MND1: variants seen among roughly 807,000 people sequenced by gnomAD.
MND1 encodes meiotic nuclear division protein 1 homolog.
Under a neutral mutation model 35.1 loss-of-function variants are expected in MND1, and 28 were observed. The ratio of observed to expected loss-of-function variants is 0.80; its 90% CI spans 0.59 to 1.09. The LOEUF is 1.09. Among genes scored for constraint, MND1 ranks in the 50% least tolerant of loss-of-function variants. MND1 has a pLI of 0.00. For synonymous variants in MND1, 69 were observed against 70.5 expected (o/e 0.98, Z 0.11); for missense variants, 213 against 239.6 (o/e 0.89, Z 0.73).
rs1419994460 is a variant in MND1, at chr4:153,346,455, T to C, written c.3+1715T>C. ...CTAATTTGAATGCATCTCTAACTTA[T>C]ACTATCAGGTTTTTCCTAGTCTTAA... On this transcript the variant is annotated intron_variant, in intron 1 of 7. Coordinates refer to ENST00000240488, the MANE Select transcript of MND1 (RefSeq NM_032117.4). Among the ~76,000 whole-genome samples the C allele has an allele frequency of 3.3e-5, 5 of 152,240 alleles. 1 individual carries two copies. Among genetic ancestry groups the C allele is most frequent in the Non-Finnish European group, 7.3e-5 (5 of 68,038 alleles).
At chr4:153,399,574 T>C (rs1286666336) in intron 6 of MND1, among the ~76,000 whole-genome samples, 1 of 152,180 alleles carries the variant, frequency 6.6e-6, no homozygotes, top group Admixed American at 6.5e-5. Context: ...TGCCATTCCT[T>C]GTAGGTCTGA....
intron 4 of MND1, among the ~76,000 whole-genome samples, chr4:153,378,807 C>A (rs1472375712): frequency 6.6e-6 from 1 of 152,128 alleles, no homozygotes; most frequent in African/African-American, 2.4e-5. Context: ...TGTATGGAGT[C>A]TCTGAAAGAG....
intron 4 of MND1, among the ~76,000 whole-genome samples, chr4:153,388,390 G>C (rs1389968889): frequency 1.3e-5 from 2 of 152,162 alleles, no homozygotes; most frequent in Non-Finnish European, 2.9e-5. Context: ...AGGAGGCTCA[G>C]GTAGGAGGAT....
intron 1 of MND1, among the ~76,000 whole-genome samples, chr4:153,347,278 G>A (rs1443729286): frequency 6.6e-6 from 1 of 152,218 alleles, no homozygotes; most frequent in African/African-American, 2.4e-5. Context: ...CTAGCTCTCA[G>A]CCCTAGGTTT....
At chr4:153,407,746 TTAAG>T (rs1435809872) in intron 6 of MND1, among the ~76,000 whole-genome samples, 3 of 152,124 alleles carry the variant, frequency 2.0e-5, no homozygotes, top group African/African-American at 7.2e-5. Flanking sequence ...AAACATTGTG[TTAAG>T]TGAGAGAGGC....
intron 7 of MND1, 42 bp from the exon 8 acceptor site, chr4:153,414,709 G>T: frequency 1.2e-6 from 1 of 851,324 alleles, no homozygotes; most frequent in Non-Finnish European, 1.8e-6. Flanking sequence ...AATGTTTTAT[G>T]ATTGTGTTTT....
chr4:153,354,672 T>C (rs897561243), intron 2 of MND1, among the ~76,000 whole-genome samples: 1 of 152,032 alleles, frequency 6.6e-6, no homozygotes, highest in Non-Finnish European at 1.5e-5. Context: ...CCAGCTAATT[T>C]TTTTGATTTT....
chr4:153,389,304 ATGT>A (rs1365500297), intron 4 of MND1, among the ~76,000 whole-genome samples: 3 of 152,162 alleles, frequency 2.0e-5, no homozygotes, highest in Non-Finnish European at 4.4e-5. Flanking sequence ...GCATTATAGA[ATGT>A]TGAAGACTTT....
intron 7 of MND1, among the ~76,000 whole-genome samples, chr4:153,413,672 A>G (rs1034909475): frequency 3.3e-5 from 5 of 150,286 alleles, no homozygotes; most frequent in African/African-American, 1.2e-4. Context: ...ACAAAGCAAG[A>G]TCCTGTCTCA....
At chr4:153,361,598 G>A (rs1435766857) in intron 4 of MND1, 4 of 454,704 alleles carry the variant, frequency 8.8e-6, no homozygotes, top group Non-Finnish European at 1.8e-5. Context: ...CCAGCACTTT[G>A]GGAGGCTGAG....
At chr4:153,372,827 G>A (rs1167348745) in intron 4 of MND1, among the ~76,000 whole-genome samples, 2 of 152,048 alleles carry the variant, frequency 1.3e-5, no homozygotes, top group African/African-American at 2.4e-5. Flanking sequence ...GAATTTCAGT[G>A]TATGAATATA....
chr4:153,358,551 A>G lies in MND1; in HGVS notation c.205A>G (p.Asn69Asp). ...MVDCERIGTS[N>D]YYWAFPSKAL... is the part of the protein sequence containing the mutation. Reference sequence around the variant, plus strand: ...TGACTGTGAGAGGATCGGAACTTCTAATTATTATTGGGCTTTTCCAAGTAA... The same window carrying G: ...TGACTGTGAGAGGATCGGAACTTCTGATTATTATTGGGCTTTTCCAAGTAA... The change falls in exon 4 of 8, where the codon AAT becomes GAT. Residue 69 changes from asparagine (N) to aspartate (D), a missense_variant. By Grantham distance (23) the Asn-to-Asp change is conservative (BLOSUM62 1). Transcript: ENST00000240488. 1 of 1,613,666 alleles carries G rather than the reference A, an allele frequency of 6.2e-7. No homozygotes were observed. Among genetic ancestry groups the G allele is most frequent in the Non-Finnish European group, 8.5e-7 (1 of 1,179,792 alleles).
At chr4:153,360,606 G>GTGTGTA (rs199684412) in intron 4 of MND1, among the ~76,000 whole-genome samples, 10 of 143,440 alleles carry the variant, frequency 7.0e-5, no homozygotes, top group African/African-American at 2.1e-4. Flanking sequence ...GTGTGTGTGT[G>GTGTGTA]TATATATATA....
chr4:153,404,167 A>C (rs1729420952), intron 6 of MND1, among the ~76,000 whole-genome samples: 1 of 146,028 alleles, frequency 6.8e-6, no homozygotes. Flanking sequence ...AAAACCAAAA[A>C]TTGGTTCTTT....
At chr4:153,352,746 TAAA>T (rs56770218) in intron 2 of MND1, among the ~76,000 whole-genome samples, 8,702 of 114,924 alleles carry the variant, frequency 0.076, 412 homozygotes, top group South Asian at 0.15. Flanking sequence ...GACCCTATCT[TAAA>T]AAAAAAAAAA....
chr4:153,355,218 G>C (rs1286085385), intron 2 of MND1, among the ~76,000 whole-genome samples: 1 of 151,972 alleles, frequency 6.6e-6, no homozygotes, highest in African/African-American at 2.4e-5. Context: ...AATCTCTTAA[G>C]TTCTATTGAA....
intron 2 of MND1, among the ~76,000 whole-genome samples, chr4:153,354,397 ACTGT>A (rs1773291380): frequency 1.3e-5 from 2 of 152,368 alleles, no homozygotes; most frequent in Middle Eastern, 6.8e-3. Flanking sequence ...TAAGCAAAGC[ACTGT>A]CTGTGTTTTC....
intron 7 of MND1, among the ~76,000 whole-genome samples, chr4:153,412,446 C>T (rs1454924745): frequency 1.3e-5 from 2 of 151,304 alleles, no homozygotes; most frequent in Non-Finnish European, 2.9e-5. Flanking sequence ...TGTGTCCTCT[C>T]ACAGTTTTTC....
intron 4 of MND1, among the ~76,000 whole-genome samples, chr4:153,384,443 ATTTTTTTTTTTTTTT>A (rs561004288): frequency 1.6e-4 from 10 of 63,190 alleles, no homozygotes; most frequent in Middle Eastern, 0.012. Context: ...CTAATGTTTA[ATTTTTTTTTTTTTTT>A]TTTTTTTTTT....
Sources: allele counts gnomAD v4.1 joint callset (sites outside exome capture counted in the v4.1 genomes callset), GRCh38; gene constraint gnomAD v4.1.1; transcripts MANE v1.5; gene names NCBI Gene and HGNC (gene_info 2026-07-23, HGNC 2026-07-21).